LGR5: variants seen among roughly 807,000 people sequenced by gnomAD.
The protein encoded by LGR5 is leucine-rich repeat-containing G protein-coupled receptor 5.
In LGR5, 54 loss-of-function variants were observed where a neutral mutation model predicts 76.7. That is an observed-to-expected ratio of 0.70 (90% CI 0.57 to 0.88). The LOEUF is 0.88. Ranked by LOEUF, LGR5 falls within the 40% of genes least tolerant of loss-of-function variation. The pLI, the probability that LGR5 is intolerant of heterozygous loss-of-function variation, is 0.00. For missense variants in LGR5, 1,078 were observed against 1,073.3 expected (o/e 1.00, Z -0.06); for synonymous variants, 406 against 421.9 (o/e 0.96, Z 0.46).
chr12:71,561,843 T>C lies in LGR5; in HGVS notation c.848T>C (p.Leu283Pro). The change falls in exon 8 of 18, where the codon CTT becomes CCT. Residue 283 changes from leucine (L) to proline (P), a missense_variant. Coordinates refer to ENST00000266674, the MANE Select transcript of LGR5 (RefSeq NM_003667.4). ...PEKAFVGNPS[L>P]ITIHFYDNPI... is the part of the protein sequence containing the mutation. ...AAAGCATTTGTAGGCAACCCTTCTC[T>C]TATTACAATGTAAGTGACCATAATG... is the stretch of plus-strand genomic sequence containing the variant. The C allele has an allele frequency of 6.3e-7, 1 of 1,592,068 alleles. No homozygotes were observed. Among genetic ancestry groups the C allele is most frequent in the Non-Finnish European group, 8.6e-7 (1 of 1,161,450 alleles).
chr12:71,440,254 G>A lies in LGR5; in HGVS notation c.174G>A (p.Ser58=). The part of the protein sequence containing the change: ...LRVDCSDLGL[S]ELPSNLSVFT... ...TGGACTGCTCCGACCTGGGGCTCTCGGAGCTGCCTTCCAACCTCAGCGTCT... is the reference window on the plus strand; with the variant it reads ...TGGACTGCTCCGACCTGGGGCTCTCAGAGCTGCCTTCCAACCTCAGCGTCT... Residue 58 remains serine (S), a synonymous_variant, in exon 1 of 18, where the codon TCG becomes TCA. Coordinates refer to ENST00000266674, the MANE Select transcript of LGR5 (RefSeq NM_003667.4). The surrounding 1 kb of genome is among the most constrained non-coding windows in gnomAD (Gnocchi z 5.3). 6.2e-7 allele frequency: 1 copy of A among 1,613,010 alleles called. No individual in the cohort carries two copies. The highest frequency in any genetic ancestry group is 8.5e-7 in the Non-Finnish European group (1 of 1,179,972).
chr12:71,473,038 C>G (rs1873166814), intron 1 of LGR5, among the ~76,000 whole-genome samples: 1 of 152,182 alleles, frequency 6.6e-6, no homozygotes, highest in African/African-American at 2.4e-5. Flanking sequence ...GTGATAGAAG[C>G]TTCAGTGCAC....
Position 71,484,274 on chromosome 12 carries a change from C to T in LGR5, c.213-20340C>T, listed in dbSNP as rs560391078. 2.0e-4 allele frequency among the ~76,000 whole-genome samples: 30 copies of T among 152,260 alleles called. No homozygotes were observed. In the South Asian group the frequency reaches 6.0e-3, roughly 31 times the overall value. On this transcript the variant is annotated intron_variant, in intron 1 of 17. Coordinates refer to ENST00000266674, the MANE Select transcript of LGR5 (RefSeq NM_003667.4). ...TTTTCTGATGATTTTAATAATGGTACAGTCCTTTAGAGTTTATAAAGCACT... is the reference window on the plus strand; with the variant it reads ...TTTTCTGATGATTTTAATAATGGTATAGTCCTTTAGAGTTTATAAAGCACT...
intron 8 of LGR5, among the ~76,000 whole-genome samples, 188 bp downstream of exon 8, chr12:71,562,040 T>G (rs554076531): frequency 6.6e-6 from 1 of 152,354 alleles, no homozygotes; most frequent in Admixed American, 6.5e-5. Context: ...TAAAAGATTT[T>G]TTTAAAGATC....
chr12:71,497,576 C>G (rs940924529), intron 1 of LGR5, among the ~76,000 whole-genome samples: 5 of 152,192 alleles, frequency 3.3e-5, no homozygotes, highest in Admixed American at 6.5e-5. Context: ...GCTACTCAAG[C>G]CTGCACCTTG....
At position 71,583,997 on chromosome 12, in the gene LGR5, G is replaced by T. The variant is rs1259694032; in HGVS notation, c.1987G>T (p.Gly663Trp). ...GCTTACTCTGGCAGCCCTGGAGCGT[G>T]GGTTCTCTGTGAAATATTCTGCAAA... ...FLLTLAALER[G>W]FSVKYSAKFE... The change falls in exon 18 of 18, where the codon GGG (glycine) becomes TGG (tryptophan). Residue 663 changes from glycine (G) to tryptophan (W), a missense_variant. By Grantham distance (184) the Gly-to-Trp change is radical. Transcript: ENST00000266674. The T allele has an allele frequency of 6.2e-7, 1 of 1,614,060 alleles. No individual in the cohort carries two copies. Among genetic ancestry groups the T allele is most frequent in the Non-Finnish European group, 8.5e-7 (1 of 1,180,040 alleles).
intron 3 of LGR5, among the ~76,000 whole-genome samples, chr12:71,527,179 C>G (rs1396273599): frequency 1.3e-5 from 2 of 152,138 alleles, no homozygotes; most frequent in African/African-American, 2.4e-5. Flanking sequence ...AAGATCCTGC[C>G]AGAAATTGTG....
intron 2 of LGR5, among the ~76,000 whole-genome samples, chr12:71,509,780 T>G (rs1172862342): frequency 6.6e-6 from 1 of 152,184 alleles, no homozygotes; most frequent in Non-Finnish European, 1.5e-5. Context: ...CAGATTCTAG[T>G]GCTATTGGAA....
chr12:71,448,311 G>A (rs999997282), intron 1 of LGR5: 1 of 152,072 alleles, frequency 6.6e-6, no homozygotes, highest in Non-Finnish European at 1.5e-5. Context: ...AATCAAAAAA[G>A]CCACAAAAGT....
intron 6 of LGR5, among the ~76,000 whole-genome samples, chr12:71,557,200 G>A (rs944536191): frequency 3.3e-5 from 5 of 152,154 alleles, no homozygotes; most frequent in Admixed American, 1.3e-4. Flanking sequence ...CGGGAGGATC[G>A]CTTGAGCCCA....
rs1294574445 is a variant in LGR5, at chr12:71,565,006, T to C, written c.858-1398T>C. Among the ~76,000 whole-genome samples the C allele has an allele frequency of 4.3e-5, 4 of 92,310 alleles. No homozygotes were observed. The Admixed American group carries it at 6.0e-4, about 14-fold the overall frequency. The allele number at this position is 92,310 out of a possible 152,430, so 60.6% of individuals were successfully genotyped here. ...GTGTATATATATATACGTACATGTA[T>C]GTGAACACAATTATATGCATAAAGT... is the stretch of plus-strand genomic sequence containing the variant. On this transcript the variant is annotated intron_variant, in intron 8 of 17. Coordinates refer to ENST00000266674, the MANE Select transcript of LGR5 (RefSeq NM_003667.4).
rs181464527 is a variant in LGR5, at chr12:71,571,353, C to T, written c.1071-161C>T. On this transcript the variant is annotated intron_variant, in intron 11 of 17. Coordinates refer to ENST00000266674, the MANE Select transcript of LGR5 (RefSeq NM_003667.4). Reference sequence around the variant, plus strand: ...TAAACATTTGAATCTACTGGTTAATCCAATAATGGCTGTGACTACCTGCTC... The same window carrying T: ...TAAACATTTGAATCTACTGGTTAATTCAATAATGGCTGTGACTACCTGCTC... 4 of 507,958 alleles carry T rather than the reference C, an allele frequency of 7.9e-6. No homozygotes were observed. The East Asian group carries it at 1.3e-4, about 16-fold the overall frequency. 31.5% of individuals were successfully genotyped at this position (507,958 alleles called of 1,614,324 possible). A position where few individuals can be genotyped will look rare whatever the true frequency, so the allele number is the denominator to read the frequency against.
chr12:71,481,108 G>A (rs1305989278), intron 1 of LGR5, among the ~76,000 whole-genome samples: 1 of 152,154 alleles, frequency 6.6e-6, no homozygotes, highest in Non-Finnish European at 1.5e-5. Flanking sequence ...TATACTGTAA[G>A]TTCCAGGATA....
At chr12:71,581,466 G>A (rs921106616) in intron 16 of LGR5, among the ~76,000 whole-genome samples, 10 of 152,216 alleles carry the variant, frequency 6.6e-5, no homozygotes, top group African/African-American at 2.4e-4. Flanking sequence ...GGCTTCTCAT[G>A]CTTTGGGCCT....
rs961857169 is a variant in LGR5 at position 71,575,728 on chromosome 12, G to A, written c.1209-2197G>A. Among the ~76,000 whole-genome samples, 203 of 97,606 alleles carry A rather than the reference G, an allele frequency of 2.1e-3. 4 individuals carry two copies. Among genetic ancestry groups the A allele is most frequent in the South Asian group, 2.6e-3 (8 of 3,122 alleles). 64.0% of individuals were successfully genotyped at this position (97,606 alleles called of 152,430 possible). A position where few individuals can be genotyped will look rare whatever the true frequency, so the allele number is the denominator to read the frequency against. On this transcript the variant is annotated intron_variant, in intron 13 of 17. Coordinates refer to ENST00000266674, the MANE Select transcript of LGR5 (RefSeq NM_003667.4). The stretch of plus-strand genomic sequence containing the variant: ...TCCATCTCAAAAAATATATATGTGT[G>A]TGTGTGTGTGTGTGTGTGTGTGTGT...
At chr12:71,531,024 G>A (rs1876281456) in intron 3 of LGR5, among the ~76,000 whole-genome samples, 1 of 151,422 alleles carries the variant, frequency 6.6e-6, no homozygotes, top group Admixed American at 6.6e-5. Flanking sequence ...GTGGGGGAGG[G>A]ACCAAAAAAT....
chr12:71,447,601 T>C (rs1872060190), intron 1 of LGR5, among the ~76,000 whole-genome samples: 1 of 152,230 alleles, frequency 6.6e-6, no homozygotes, highest in Admixed American at 6.5e-5. Flanking sequence ...CCTTCTTGCC[T>C]TCAGAAGGAG....
In LGR5 at chr12:71,548,715, G is replaced by A. The variant is rs1488294171; in HGVS notation, c.429-4358G>A. On this transcript the variant is annotated intron_variant, in intron 4 of 17. Transcript: ENST00000266674. ...CTGTTTTACAGATGTGAAAGCTGAG[G>A]TCTGTTGATTTGGCCAAGGTCATAC... Among the ~76,000 whole-genome samples the A allele has an allele frequency of 2.6e-5, 4 of 152,028 alleles. No homozygotes were observed. The South Asian group carries it at 6.2e-4, about 24-fold the overall frequency.
At chr12:71,479,887 G>A (rs1873509370) in intron 1 of LGR5, among the ~76,000 whole-genome samples, 1 of 152,178 alleles carries the variant, frequency 6.6e-6, no homozygotes, top group African/African-American at 2.4e-5. Context: ...CAAGCATTCA[G>A]GGCCCTGTCA....
Sources: allele counts gnomAD v4.1 joint callset (sites outside exome capture counted in the v4.1 genomes callset), GRCh38; gene constraint gnomAD v4.1.1; non-coding constraint Gnocchi (gnomAD v3.1); transcripts MANE v1.5; gene names NCBI Gene and HGNC (gene_info 2026-07-23, HGNC 2026-07-21).